The following ALDH3A2 variants were observed in gnomAD, a reference collection of about 807,000 sequenced individuals.
The protein encoded by ALDH3A2 is aldehyde dehydrogenase family 3 member A2.
Under a neutral mutation model 51.3 loss-of-function variants are expected in ALDH3A2, and 36 were observed. The observed-to-expected ratio is 0.70, with a 90% confidence interval of 0.54 to 0.93. ALDH3A2 has a LOEUF of 0.93. ALDH3A2 is among the 40% of genes least tolerant of loss of function. The pLI, the probability that ALDH3A2 is intolerant of heterozygous loss-of-function variation, is 0.00. For missense variants in ALDH3A2, 552 were observed against 603.1 expected (o/e 0.92, Z 0.89); for synonymous variants, 199 against 219.8 (o/e 0.91, Z 0.84).
At chr17:19,657,393 C>T (rs1380408985) in intron 4 of ALDH3A2, among the ~76,000 whole-genome samples, 1 of 152,212 alleles carries the variant, frequency 6.6e-6, no homozygotes, top group African/African-American at 2.4e-5. Flanking sequence ...GTACCGAACT[C>T]TGGTCATCCA....
chr17:19,663,864 G>A (rs2085001056), intron 7 of ALDH3A2, among the ~76,000 whole-genome samples: 1 of 152,212 alleles, frequency 6.6e-6, no homozygotes, highest in East Asian at 1.9e-4. Flanking sequence ...TGCACAAAAT[G>A]GCATTCACAC....
intron 6 of ALDH3A2, 59 bp downstream of exon 6, chr17:19,661,327 C>T (rs772019332): frequency 2.4e-4 from 381 of 1,586,396 alleles, no homozygotes; most frequent in Non-Finnish European, 3.1e-4. Context: ...TTTGCTGACA[C>T]TACTTATTAA....
intron 8 of ALDH3A2, among the ~76,000 whole-genome samples, chr17:19,665,408 T>TGTGG (rs560132949): frequency 7.0e-6 from 1 of 143,100 alleles, no homozygotes; most frequent in African/African-American, 2.7e-5. Context: ...TGTGTGTGTG[T>TGTGG]GGTGTGTGTG....
chr17:19,661,398 G>A, intron 6 of ALDH3A2, 130 bp downstream of exon 6: 1 of 1,074,436 alleles, frequency 9.3e-7, no homozygotes, highest in Non-Finnish European at 1.4e-6. Context: ...CCTGCTTTCT[G>A]GTATACTGTA....
At position 19,656,448 on chromosome 17, in the gene ALDH3A2, G is replaced by A. The variant is rs72547563; in HGVS notation, c.554G>A (p.Gly185Glu). ...CGATTTGACCACATTTTCTATACGG[G>A]AAACACTGCGGTTGGCAAAATTGTC... Reference protein sequence around the residue: ...KQRFDHIFYTGNTAVGKIVME... With the variant: ...KQRFDHIFYTENTAVGKIVME... Residue 185 changes from glycine (G) to glutamate (E), a missense_variant, in exon 4 of 10, where the codon GGA becomes GAA. Coordinates refer to ENST00000176643, the MANE Select transcript of ALDH3A2 (RefSeq NM_000382.3). The A allele has an allele frequency of 1.2e-6, 2 of 1,614,060 alleles. No homozygotes were observed. The highest frequency in any genetic ancestry group is 3.3e-5 in the Admixed American group (2 of 60,002).
intron 8 of ALDH3A2, among the ~76,000 whole-genome samples, chr17:19,666,557 A>G (rs563824982): frequency 1.0e-3 from 153 of 152,260 alleles, no homozygotes; most frequent in African/African-American, 3.5e-3. Context: ...TGGGTGGATC[A>G]CTTGAGGTCA....
chr17:19,669,318 C>A (rs149100504), intron 8 of ALDH3A2, among the ~76,000 whole-genome samples: 2,340 of 151,650 alleles, frequency 0.015, 20 homozygotes, highest in Non-Finnish European at 0.019. Context: ...AACAAACAAA[C>A]AAAAAAAACA....
At chr17:19,658,138 G>A (rs866195351) in intron 5 of ALDH3A2, among the ~76,000 whole-genome samples, 1 of 152,104 alleles carries the variant, frequency 6.6e-6, no homozygotes, top group African/African-American at 2.4e-5. Context: ...TTAAATAATC[G>A]TGTGTCCGTG....
chr17:19,656,833 C>T (rs1459256597), intron 4 of ALDH3A2, among the ~76,000 whole-genome samples: 1 of 152,192 alleles, frequency 6.6e-6, no homozygotes, highest in Non-Finnish European at 1.5e-5. Flanking sequence ...CTCAAGATTA[C>T]AGCTAGATCT....
chr17:19,656,223 T>A, intron 3 of ALDH3A2, 143 bp from the exon 4 acceptor site: 1 of 798,458 alleles, frequency 1.3e-6, no homozygotes, highest in Non-Finnish European at 2.1e-6. Flanking sequence ...CTTGGTCAGT[T>A]CCCTCTCCCA....
chr17:19,653,105 T>C (rs999335137), intron 3 of ALDH3A2, among the ~76,000 whole-genome samples: 1 of 151,404 alleles, frequency 6.6e-6, no homozygotes, highest in African/African-American at 2.4e-5. Flanking sequence ...AGTGCTGTGG[T>C]GTGATCTCGG....
chr17:19,675,663 A>T lies in ALDH3A2; in HGVS notation c.*91A>T. 7.4e-7 allele frequency: 1 copy of T among 1,343,458 alleles called. No homozygotes were observed. The highest frequency in any genetic ancestry group is 1.2e-5 in the South Asian group (1 of 84,924). 83.2% of individuals were successfully genotyped at this position (1,343,458 alleles called of 1,614,324 possible). ...CCAATAATTTTTAAATCATACCAAA[A>T]ATAGTAAGAAAATATGCAAACACTC... On this transcript the variant is annotated 3_prime_UTR_variant, in exon 10 of 10. Transcript: ENST00000176643.
At chr17:19,652,729 C>T (rs2084833291) in intron 3 of ALDH3A2, 97 bp downstream of exon 3, 1 of 1,019,292 alleles carries the variant, frequency 9.8e-7, no homozygotes, top group African/African-American at 1.6e-5. Flanking sequence ...GCCGGGGACC[C>T]AATTGCAGTC....
At chr17:19,651,312 A>G (rs2152326328) in intron 1 of ALDH3A2, among the ~76,000 whole-genome samples, 1 of 152,340 alleles carries the variant, frequency 6.6e-6, no homozygotes, top group South Asian at 2.1e-4. Flanking sequence ...ATGGTATTCG[A>G]CTAGTGTTAC....
rs1255346711 is a variant in ALDH3A2 at position 19,654,156 on chromosome 17, A to G, written c.471+1524A>G. On this transcript the variant is annotated intron_variant, in intron 3 of 9. Transcript: ENST00000176643. The surrounding 1 kb of genome is among the most constrained non-coding windows in gnomAD (Gnocchi z 4.5). ...TTGGTGCATCCACAAACCCCAAGCTAGACACAGAGTGCTGATTGGTGCATA... is the reference window on the plus strand; with the variant it reads ...TTGGTGCATCCACAAACCCCAAGCTGGACACAGAGTGCTGATTGGTGCATA... Among the ~76,000 whole-genome samples, 1 of 152,232 alleles carries G rather than the reference A, an allele frequency of 6.6e-6. No homozygotes were observed. The highest frequency in any genetic ancestry group is 1.5e-5 in the Non-Finnish European group (1 of 68,034).
At position 19,673,014 on chromosome 17, in the gene ALDH3A2, C is replaced by G. The variant is rs955092914; in HGVS notation, c.1443+1058C>G. 5.2e-6 allele frequency: 6 copies of G among 1,165,018 alleles called. No homozygotes were observed. The Admixed American group carries it at 1.0e-4, about 20-fold the overall frequency. The allele number at this position is 1,165,018 out of a possible 1,614,324, so 72.2% of individuals were successfully genotyped here. A position where few individuals can be genotyped will look rare whatever the true frequency, so the allele number is the denominator to read the frequency against. On this transcript the variant is annotated intron_variant, in intron 9 of 9. Transcript: ENST00000176643. The stretch of plus-strand genomic sequence containing the variant: ...CAAGATCATGCCACTGCACTCCAGC[C>G]TGGGCAATAGAGCGAGACTCCATCT...
In ALDH3A2 at chr17:19,654,335, C is replaced by T. The variant is rs1285992821; in HGVS notation, c.471+1703C>T. Among the ~76,000 whole-genome samples the T allele has an allele frequency of 1.3e-5, 2 of 152,252 alleles. No homozygotes were observed. The highest frequency in any genetic ancestry group is 2.1e-4 in the South Asian group (1 of 4,834). On this transcript the variant is annotated intron_variant, in intron 3 of 9. Coordinates refer to ENST00000176643, the MANE Select transcript of ALDH3A2 (RefSeq NM_000382.3). The surrounding 1 kb of genome is among the most constrained non-coding windows in gnomAD (Gnocchi z 4.5). Reference sequence around the variant, plus strand: ...CTGCACCCCTCAGCCCTTGGGCGGTCGATGGGACTGGGCGCTGTGGAGCAG... The same window carrying T: ...CTGCACCCCTCAGCCCTTGGGCGGTTGATGGGACTGGGCGCTGTGGAGCAG...
In ALDH3A2 at chr17:19,654,071, TCTAG is replaced by T. The variant is rs1332146322; in HGVS notation, c.471+1444_471+1447del. On this transcript the variant is annotated intron_variant, in intron 3 of 9. Coordinates refer to ENST00000176643, the MANE Select transcript of ALDH3A2 (RefSeq NM_000382.3). The surrounding 1 kb of genome is among the most constrained non-coding windows in gnomAD (Gnocchi z 4.5). Reference sequence around the variant, plus strand: ...GTGCTGACTGGTGCTTTTACAATCCTCTAGCTAGACATAAAAGTTCTCCAAATCC... The same window carrying T: ...GTGCTGACTGGTGCTTTTACAATCCTCTAGACATAAAAGTTCTCCAAATCC... Among the ~76,000 whole-genome samples the T allele has an allele frequency of 6.6e-6, 1 of 152,188 alleles. No individual in the cohort carries two copies. The highest frequency in any genetic ancestry group is 1.5e-5 in the Non-Finnish European group (1 of 68,034).
rs187587499 is a variant in ALDH3A2, at chr17:19,670,596, T to G, written c.1208-1125T>G. On this transcript the variant is annotated intron_variant, in intron 8 of 9. Transcript: ENST00000176643. ...TTTTTTTTTTGAGACGGAGTCTCGC[T>G]CTGTCGCCCAGGCTGGAGTGCAGTG... 2.0e-3 allele frequency among the ~76,000 whole-genome samples: 296 copies of G among 149,720 alleles called. 4 individuals carry two copies. In the East Asian group the frequency reaches 0.047, roughly 24 times the overall value.
Sources: gnomAD v4.1 joint callset for allele counts (sites outside exome capture counted in the v4.1 genomes callset) on GRCh38, gnomAD v4.1.1 for gene constraint, Gnocchi (gnomAD v3.1) non-coding constraint, MANE v1.5 for transcripts, NCBI Gene and HGNC (gene_info 2026-07-23, HGNC 2026-07-21) for gene names.